The following SCARA5 variants were observed in gnomAD, a reference collection of about 807,000 sequenced individuals.
The protein encoded by SCARA5 is scavenger receptor class A, member 5 (putative).
A neutral mutation model predicts 46.3 loss-of-function variants in SCARA5; 45 were observed. That is an observed-to-expected ratio of 0.97 (90% CI 0.76 to 1.24). The LOEUF (loss-of-function observed/expected upper bound fraction) is 1.24, where lower values mean the gene tolerates loss of function less well. Among genes scored for constraint, SCARA5 ranks in the 50% most tolerant of loss-of-function variants. The probability of loss-of-function intolerance (pLI) is 0.00; values close to 1 mark genes in which losing one functional copy is unlikely to be tolerated. For synonymous variants in SCARA5, 333 were observed against 306.5 expected (o/e 1.09, Z -0.90); for missense variants, 680 against 689.0 (o/e 0.99, Z 0.15).
At chr8:27,976,829 C>T (rs150452772) in intron 2 of SCARA5, among the ~76,000 whole-genome samples, 100 of 152,246 alleles carry the variant, frequency 6.6e-4, no homozygotes, top group African/African-American at 2.2e-3. Flanking sequence ...GGGGATGAGG[C>T]GCCCTAGGAC....
chr8:27,958,730 G>T (rs80335196), intron 3 of SCARA5, among the ~76,000 whole-genome samples: 1 of 152,196 alleles, frequency 6.6e-6, no homozygotes, highest in Non-Finnish European at 1.5e-5. Context: ...AACTGGGATC[G>T]CTGACAAGAT....
intron 7 of SCARA5, among the ~76,000 whole-genome samples, chr8:27,884,564 G>A (rs528259040): frequency 8.5e-5 from 13 of 152,340 alleles, no homozygotes; most frequent in African/African-American, 2.6e-4. Flanking sequence ...AGGGTGCTGT[G>A]AGTCACAGAG....
At chr8:27,917,279 C>G (rs1807477995) in intron 4 of SCARA5, among the ~76,000 whole-genome samples, 1 of 152,126 alleles carries the variant, frequency 6.6e-6, no homozygotes, top group South Asian at 2.1e-4. Context: ...GTTTGAGGAC[C>G]AAAGAAAGAC....
intron 3 of SCARA5, among the ~76,000 whole-genome samples, chr8:27,950,047 C>T (rs1226563287): frequency 6.6e-6 from 1 of 152,186 alleles, no homozygotes; most frequent in Non-Finnish European, 1.5e-5. Context: ...ACCGTGGCTC[C>T]TTGTGGTGAG....
chr8:27,899,125 C>T (rs1219387172), intron 7 of SCARA5, among the ~76,000 whole-genome samples: 2 of 152,228 alleles, frequency 1.3e-5, no homozygotes, highest in Non-Finnish European at 2.9e-5. Flanking sequence ...TGACTTTCAG[C>T]CAGTTGCTTA....
intron 4 of SCARA5, among the ~76,000 whole-genome samples, chr8:27,920,951 G>A (rs1327186934): frequency 1.3e-5 from 2 of 152,160 alleles, no homozygotes; most frequent in African/African-American, 4.8e-5. Flanking sequence ...ACTCCAGCCT[G>A]GGCTACAGAG....
At chr8:27,940,268 C>T (rs560070235) in intron 3 of SCARA5, among the ~76,000 whole-genome samples, 14 of 152,212 alleles carry the variant, frequency 9.2e-5, no homozygotes, top group African/African-American at 2.6e-4. Flanking sequence ...AATCTGAGTC[C>T]CACTTGCCAG....
At chr8:27,982,621 G>C (rs1275514348) in intron 2 of SCARA5, among the ~76,000 whole-genome samples, 1 of 152,230 alleles carries the variant, frequency 6.6e-6, no homozygotes. Context: ...GGGCCCCGAG[G>C]AGGACAGCAA....
At chr8:27,873,650 T>C (rs970133955) in intron 8 of SCARA5, among the ~76,000 whole-genome samples, 1 of 150,856 alleles carries the variant, frequency 6.6e-6, no homozygotes, top group African/African-American at 2.5e-5. Flanking sequence ...CTGACTCTCT[T>C]TTCTGACTCA....
intron 3 of SCARA5, among the ~76,000 whole-genome samples, chr8:27,949,147 C>A (rs144253269): frequency 9.8e-5 from 15 of 152,332 alleles, no homozygotes; most frequent in Non-Finnish European, 2.1e-4. Context: ...GAGGCCCAGG[C>A]CTGTCTTGAT....
intron 2 of SCARA5, among the ~76,000 whole-genome samples, chr8:27,972,460 T>C (rs764211474): frequency 6.6e-6 from 1 of 152,220 alleles, no homozygotes; most frequent in Non-Finnish European, 1.5e-5. Flanking sequence ...ACACTGACTT[T>C]AATGAAAGTA....
chr8:27,933,293 G>A (rs1007609757), intron 3 of SCARA5, among the ~76,000 whole-genome samples: 3 of 152,062 alleles, frequency 2.0e-5, no homozygotes, highest in African/African-American at 7.2e-5. Context: ...AGGCTGAGGC[G>A]GGTGAACCAC....
rs374332817 is a variant in SCARA5 at position 27,921,566 on chromosome 8, G to T, written c.916+5C>A. 48 of 1,543,450 alleles carry T rather than the reference G, an allele frequency of 3.1e-5. No homozygotes were observed. Among genetic ancestry groups the T allele is most frequent in the Non-Finnish European group, 3.9e-5 (44 of 1,140,732 alleles). On this transcript the variant is annotated splice_donor_5th_base_variant and intron_variant, in intron 4 of 8. Coordinates refer to ENST00000354914, the MANE Select transcript of SCARA5 (RefSeq NM_173833.6). ...TGGGTGGAGGCAGCAAGGGCCTGGC[G>T]GTACCTTTCGCGAGGGAGATGTTCC...
In SCARA5 at chr8:27,922,139, C is replaced by T. The variant is rs747615343; in HGVS notation, c.348G>A (p.Pro116=). Residue 116 remains proline (P), a synonymous_variant, in exon 4 of 9, where the codon CCG becomes CCA. Coordinates refer to ENST00000354914, the MANE Select transcript of SCARA5 (RefSeq NM_173833.6). ...RDLQLRLLQA[P]LQADLTEQVW... ...CCTGCTCCGTCAGGTCCGCTTGCAG[C>T]GGAGCCTGCAGCAGCCGCAGCTGCA... The T allele has an allele frequency of 3.7e-6, 6 of 1,607,038 alleles. No homozygotes were observed. The highest frequency in any genetic ancestry group is 3.3e-5 in the South Asian group (3 of 89,630).
chr8:27,975,079 A>T (rs1420175483), intron 2 of SCARA5, among the ~76,000 whole-genome samples: 1 of 152,152 alleles, frequency 6.6e-6, no homozygotes, highest in African/African-American at 2.4e-5. Flanking sequence ...TGGGACTTTC[A>T]GCCTTACCCC....
intron 3 of SCARA5, among the ~76,000 whole-genome samples, chr8:27,930,197 C>A (rs1234776962): frequency 6.6e-6 from 1 of 152,130 alleles, no homozygotes; most frequent in Non-Finnish European, 1.5e-5. Context: ...GTGGGAGGCA[C>A]ACGGTGCAAG....
chr8:27,938,143 A>G (rs1381786537), intron 3 of SCARA5, among the ~76,000 whole-genome samples: 1 of 152,138 alleles, frequency 6.6e-6, no homozygotes, highest in Non-Finnish European at 1.5e-5. Context: ...AGAGCCTACA[A>G]TGAGCCCAGG....
At chr8:27,988,852 G>A (rs939823993) in intron 1 of SCARA5, among the ~76,000 whole-genome samples, 2 of 152,128 alleles carry the variant, frequency 1.3e-5, no homozygotes, top group African/African-American at 4.8e-5. Context: ...CCATGAGGAT[G>A]GGTCCCAGGC....
At position 27,987,484 on chromosome 8, in the gene SCARA5, T is replaced by C; in HGVS notation, c.112+20A>G. On this transcript the variant is annotated intron_variant, in intron 2 of 8. Transcript: ENST00000354914. ...CCCAGGCCAGATCTTGTGCCCCAAG[T>C]CTGAGCCAGCTGCACTCACCATCCT... 1.9e-6 allele frequency: 3 copies of C among 1,571,588 alleles called. No homozygotes were observed. The highest frequency in any genetic ancestry group is 1.8e-6 in the Non-Finnish European group (2 of 1,141,846).
Sources: gnomAD v4.1 joint callset for allele counts (sites outside exome capture counted in the v4.1 genomes callset) on GRCh38, gnomAD v4.1.1 for gene constraint, MANE v1.5 for transcripts, NCBI Gene and HGNC (gene_info 2026-07-23, HGNC 2026-07-21) for gene names.